PGR: variants seen among roughly 807,000 people sequenced by gnomAD.
PGR encodes the protein progesterone receptor, also known as nuclear receptor subfamily 3 group C member 3.
In PGR, 25 loss-of-function variants were observed where a neutral mutation model predicts 76.1. The ratio of observed to expected loss-of-function variants is 0.33; its 90% confidence interval spans 0.24 to 0.46. The LOEUF (loss-of-function observed/expected upper bound fraction) is 0.46, where lower values mean the gene tolerates loss of function less well. PGR is among the 20% of genes least tolerant of loss of function. The probability of loss-of-function intolerance (pLI) is 1.00; values close to 1 mark genes in which losing one functional copy is unlikely to be tolerated. For synonymous variants in PGR, 579 were observed against 535.0 expected (o/e 1.08, Z -1.14); for missense variants, 1,172 against 1,225.3 (o/e 0.96, Z 0.65).
At chr11:101,056,642 G>GAAAAAAAA (rs200810746) in intron 4 of PGR, among the ~76,000 whole-genome samples, 1 of 120,956 alleles carries the variant, frequency 8.3e-6, no homozygotes, top group Non-Finnish European at 1.7e-5. Context: ...CCTATCTCAA[G>GAAAAAAAA]AAAAAAAAAA....
Position 101,062,479 on chromosome 11 carries a change from A to T in PGR, c.2180T>A (p.Leu727His). 6.2e-7 allele frequency: 1 copy of T among 1,613,982 alleles called. No individual in the cohort carries two copies. Among genetic ancestry groups the T allele is most frequent in the Non-Finnish European group, 8.5e-7 (1 of 1,179,878 alleles). Reference protein sequence around the residue: ...SLNQLGERQLLSVVKWSKSLP... With the variant: ...SLNQLGERQLHSVVKWSKSLP... ...TGATTTAGACCACTTGACTACTGAA[A>T]GAAGTTGCCTCTCGCCTAGTTGATT... Residue 727 changes from leucine to histidine, a missense_variant, in exon 4 of 8, where the codon CTT becomes CAT. Physicochemically the swap from Leu to His is moderately conservative, Grantham distance 99. Around this residue, in one of 4 missense-constraint regions of PGR, gnomAD observed 166 missense variants for 296.0 expected, o/e 0.56. Transcript: ENST00000325455.
chr11:101,129,296 G>A lies in PGR; in HGVS notation c.-226C>T. 1 of 503,220 alleles carries A rather than the reference G, an allele frequency of 2.0e-6. No homozygotes were observed. Among genetic ancestry groups the A allele is most frequent in the Non-Finnish European group, 3.5e-6 (1 of 286,122 alleles). The allele number at this position is 503,220 out of a possible 1,614,324, so 31.2% of individuals were successfully genotyped here. ...GTCAGGGGAACTGTGGCTGTCGTTT[G>A]TCCCAGCGAGCGGCAAGTGGGGAGC... is the stretch of plus-strand genomic sequence containing the variant. On this transcript the variant is annotated 5_prime_UTR_variant, in exon 1 of 8. Coordinates refer to ENST00000325455, the MANE Select transcript of PGR (RefSeq NM_000926.4).
chr11:101,067,956 G>C (rs998060417), intron 3 of PGR, among the ~76,000 whole-genome samples: 12 of 151,820 alleles, frequency 7.9e-5, no homozygotes, highest in African/African-American at 2.7e-4. Context: ...ATAAGAAAAT[G>C]ACCAACTCCA....
Position 101,105,214 on chromosome 11 carries a change from G to T in PGR, c.1790-13338C>A, listed in dbSNP as rs185624617. On this transcript the variant is annotated intron_variant, in intron 2 of 7. Transcript: ENST00000325455. ...AATTTGATTTTTCTCTAAAAGATATGGTACCACTGGAGACACTGGAGCAGA... is the reference window on the plus strand; with the variant it reads ...AATTTGATTTTTCTCTAAAAGATATTGTACCACTGGAGACACTGGAGCAGA... 2.6e-5 allele frequency among the ~76,000 whole-genome samples: 4 copies of T among 152,188 alleles called. No individual in the cohort carries two copies. The East Asian group carries it at 7.7e-4, about 29-fold the overall frequency.
At position 101,051,007 on chromosome 11, in the gene PGR, A is replaced by C. The variant is rs2135393400; in HGVS notation, c.2357+417T>G. 3 of 219,772 alleles carry C rather than the reference A, an allele frequency of 1.4e-5. No individual in the cohort carries two copies. The South Asian group carries it at 1.7e-4, about 13-fold the overall frequency. The allele number at this position is 219,772 out of a possible 1,614,324, so 13.6% of individuals were successfully genotyped here. A position where few individuals can be genotyped will look rare whatever the true frequency, so the allele number is the denominator to read the frequency against. On this transcript the variant is annotated intron_variant, in intron 5 of 7. Coordinates refer to ENST00000325455, the MANE Select transcript of PGR (RefSeq NM_000926.4). ...GGTAGAAAATTAATTAAAATTATTT[A>C]AATATAAAGCAAATTGAAATATTTA... is the stretch of plus-strand genomic sequence containing the variant.
chr11:101,085,762 G>A (rs1156272875), intron 3 of PGR, among the ~76,000 whole-genome samples: 1 of 151,966 alleles, frequency 6.6e-6, no homozygotes, highest in African/African-American at 2.4e-5. Context: ...TGACAAAGGT[G>A]ACATCACAAC....
intron 3 of PGR, chr11:101,064,047 T>C (rs1311913561): frequency 6.6e-6 from 1 of 152,010 alleles, no homozygotes; most frequent in Non-Finnish European, 1.5e-5. Context: ...CCCCAAGGAA[T>C]GGCCAGGCAT....
At chr11:101,070,087 G>A (rs562120797) in intron 3 of PGR, among the ~76,000 whole-genome samples, 1 of 152,166 alleles carries the variant, frequency 6.6e-6, no homozygotes, top group Non-Finnish European at 1.5e-5. Context: ...GATCAACACA[G>A]AAGGTGGGTG....
Position 101,078,873 on chromosome 11 carries a change from T to A in PGR, c.1906+12887A>T, listed in dbSNP as rs144702199. On this transcript the variant is annotated intron_variant, in intron 3 of 7. Transcript: ENST00000325455. ...GTTTTATCTTTTGTTATTTAAATGG[T>A]CTCTATGTCAGAAATGAGAATTCTT... Among the ~76,000 whole-genome samples, 34 of 152,254 alleles carry A rather than the reference T, an allele frequency of 2.2e-4. No homozygotes were observed. The East Asian group carries it at 6.0e-3, about 27-fold the overall frequency.
chr11:101,115,952 T>C (rs1862492850), intron 2 of PGR, among the ~76,000 whole-genome samples: 1 of 152,230 alleles, frequency 6.6e-6, no homozygotes, highest in African/African-American at 2.4e-5. Flanking sequence ...AAATTGTTTG[T>C]ATTTTAGAAA....
chr11:101,085,910 G>A (rs934993997), intron 3 of PGR, among the ~76,000 whole-genome samples: 2 of 151,960 alleles, frequency 1.3e-5, no homozygotes, highest in Non-Finnish European at 2.9e-5. Flanking sequence ...AAAAACTAAA[G>A]CACTGAACAG....
rs1412903960 is a variant in PGR, at chr11:101,036,376, G to A, written c.*2740C>T. On this transcript the variant is annotated 3_prime_UTR_variant, in exon 8 of 8. Coordinates refer to ENST00000325455, the MANE Select transcript of PGR (RefSeq NM_000926.4). ...GAGGTATAATGCTTTAGACTCAAAT[G>A]GCTTTTCAAACCTTTTTACAGAAAA... The A allele has an allele frequency of 1.5e-5, 3 of 206,848 alleles. No individual in the cohort carries two copies. Among genetic ancestry groups the A allele is most frequent in the African/African-American group, 6.8e-5 (3 of 43,892 alleles). The allele number at this position is 206,848 out of a possible 1,614,324, so 12.8% of individuals were successfully genotyped here. A position where few individuals can be genotyped will look rare whatever the true frequency, so the allele number is the denominator to read the frequency against.
intron 2 of PGR, among the ~76,000 whole-genome samples, chr11:101,103,489 C>T (rs1444261650): frequency 1.3e-5 from 2 of 152,156 alleles, no homozygotes; most frequent in Non-Finnish European, 1.5e-5. Context: ...CCCTGAACTA[C>T]AGGACACTAC....
At chr11:101,042,904 C>A (rs996654629) in intron 6 of PGR, among the ~76,000 whole-genome samples, 3 of 152,130 alleles carry the variant, frequency 2.0e-5, no homozygotes, top group Middle Eastern at 3.2e-3. Flanking sequence ...AAAATGGTAA[C>A]AATCATCTGA....
At chr11:101,062,877 G>T in intron 3 of PGR, 125 bp from the exon 4 acceptor site, 1 of 314,216 alleles carries the variant, frequency 3.2e-6, no homozygotes, top group Non-Finnish European at 5.3e-6. Context: ...GAATGAAATA[G>T]AATAAAAGTG....
In PGR at chr11:101,105,066, C is replaced by T. The variant is rs570242557; in HGVS notation, c.1790-13190G>A. On this transcript the variant is annotated intron_variant, in intron 2 of 7. Coordinates refer to ENST00000325455, the MANE Select transcript of PGR (RefSeq NM_000926.4). ...AAATTGCTAAGATGCTAAGAGATGA[C>T]AGGGATTGTTTGAGGATGTGAGTAA... Among the ~76,000 whole-genome samples, 3 of 152,204 alleles carry T rather than the reference C, an allele frequency of 2.0e-5. No individual in the cohort carries two copies. In the South Asian group the frequency reaches 6.2e-4, roughly 32 times the overall value.
intron 2 of PGR, among the ~76,000 whole-genome samples, chr11:101,124,787 T>G (rs2135508409): frequency 6.6e-6 from 1 of 152,296 alleles, no homozygotes; most frequent in South Asian, 2.1e-4. Flanking sequence ...GTTGCCCTAT[T>G]TTCTCAAGTA....
intron 4 of PGR, among the ~76,000 whole-genome samples, chr11:101,060,305 CAT>C (rs572241556): frequency 1.2e-3 from 184 of 152,254 alleles, no homozygotes; most frequent in African/African-American, 4.1e-3. Flanking sequence ...TTTTATTACA[CAT>C]GAGTGAATGA....
At chr11:101,107,865 T>TAAAAAAAA (rs56355097) in intron 2 of PGR, among the ~76,000 whole-genome samples, 65 of 119,192 alleles carry the variant, frequency 5.5e-4, no homozygotes, top group African/African-American at 8.6e-4. Flanking sequence ...ACTGGCTTTG[T>TAAAAAAAA]AAAAAAAAAA....
Sources: gnomAD v4.1 joint callset for allele counts (sites outside exome capture counted in the v4.1 genomes callset) on GRCh38, gnomAD v4.1.1 for gene constraint, gnomAD v4.1.1 regional missense constraint, MANE v1.5 for transcripts, NCBI Gene and HGNC (gene_info 2026-07-23, HGNC 2026-07-21) for gene names.